GSTCD: variants seen among roughly 807,000 people sequenced by gnomAD.
The protein encoded by GSTCD is glutathione S-transferase C-terminal domain containing.
GSTCD carries 44 observed loss-of-function variants against 68.3 expected under a neutral mutation model. The ratio of observed to expected loss-of-function variants is 0.64; its 90% CI spans 0.51 to 0.83. The LOEUF is 0.83. Ranked by LOEUF, GSTCD falls within the 40% of genes least tolerant of loss-of-function variation. GSTCD has a pLI of 0.00. For synonymous variants in GSTCD, 273 were observed against 255.2 expected (o/e 1.07, Z -0.67); for missense variants, 739 against 735.9 (o/e 1.00, Z -0.05).
intron 5 of GSTCD, among the ~76,000 whole-genome samples, chr4:105,786,193 T>C (rs766997799): frequency 5.9e-5 from 9 of 152,102 alleles, no homozygotes; most frequent in Non-Finnish European, 1.3e-4. Flanking sequence ...ATAAAAAATG[T>C]AAATTGGACA....
chr4:105,837,921 A>G lies in GSTCD; in HGVS notation c.1695+32A>G, dbSNP rs199544689. Reference sequence around the variant, plus strand: ...TTAAAAAGATCTAGATATCATCCTAATACACTTTTTATCCTTTATATTTTT... The same window carrying G: ...TTAAAAAGATCTAGATATCATCCTAGTACACTTTTTATCCTTTATATTTTT... On this transcript the variant is annotated intron_variant, in intron 10 of 11. Transcript: ENST00000515279. 135 of 897,146 alleles carry G rather than the reference A, an allele frequency of 1.5e-4. No individual in the cohort carries two copies. The South Asian group carries it at 2.2e-3, about 14-fold the overall frequency. 55.6% of individuals were successfully genotyped at this position (897,146 alleles called of 1,614,324 possible).
chr4:105,822,591 C>A (rs1174137571), intron 5 of GSTCD, among the ~76,000 whole-genome samples: 1 of 152,016 alleles, frequency 6.6e-6, no homozygotes, highest in African/African-American at 2.4e-5. Context: ...GTTATTTTTT[C>A]CATTCTGCCA....
chr4:105,755,263 A>G (rs1734147042), intron 5 of GSTCD, among the ~76,000 whole-genome samples: 2 of 151,298 alleles, frequency 1.3e-5, no homozygotes, highest in South Asian at 4.2e-4. Context: ...GTAGAAAGGT[A>G]GGAAGGAAGG....
At chr4:105,823,119 C>A (rs1490419782) in intron 6 of GSTCD, 50 bp downstream of exon 6, 1 of 1,570,818 alleles carries the variant, frequency 6.4e-7, no homozygotes, top group Non-Finnish European at 8.8e-7. Flanking sequence ...GATTATGAGA[C>A]TTTTCTATAT....
chr4:105,825,337 C>G (rs917004216), intron 7 of GSTCD, among the ~76,000 whole-genome samples: 18 of 152,276 alleles, frequency 1.2e-4, no homozygotes, highest in East Asian at 7.7e-4. Flanking sequence ...ACCATATTGG[C>G]CAGGCTAATC....
intron 5 of GSTCD, among the ~76,000 whole-genome samples, chr4:105,762,204 C>T (rs934414766): frequency 6.6e-6 from 1 of 152,124 alleles, no homozygotes; most frequent in Non-Finnish European, 1.5e-5. Context: ...GGTGGGCACC[C>T]TAACTGAAGG....
Position 105,726,792 on chromosome 4 carries a change from T to C in GSTCD, c.1108T>C (p.Phe370Leu), listed in dbSNP as rs1285983354. Residue 370 changes from phenylalanine (F) to leucine (L), a missense_variant, in exon 4 of 12, where the codon TTT (phenylalanine) becomes CTT (leucine). Phe to Leu is a conservative substitution (Grantham distance 22, BLOSUM62 0). Coordinates refer to ENST00000515279, the MANE Select transcript of GSTCD (RefSeq NM_001370181.1). ...PGVEEQSDPL[F>L]IGGPRPTMAK... ...TGTAGAAGAGCAAAGCGATCCTTTATTTATAGGAGGACCAAGACCAACCAT... is the reference window on the plus strand; with the variant it reads ...TGTAGAAGAGCAAAGCGATCCTTTACTTATAGGAGGACCAAGACCAACCAT... 2.5e-6 allele frequency: 4 copies of C among 1,613,202 alleles called. No individual in the cohort carries two copies. The African/African-American group carries it at 5.3e-5, about 22-fold the overall frequency.
chr4:105,794,960 C>T (rs1267334915), intron 5 of GSTCD, among the ~76,000 whole-genome samples: 4 of 151,686 alleles, frequency 2.6e-5, no homozygotes, highest in Non-Finnish European at 5.9e-5. Context: ...CTGCAACCTC[C>T]GCCTCCCGGG....
chr4:105,766,845 AAGATGG>A lies in GSTCD; in HGVS notation c.1240+37348_1240+37353del, dbSNP rs1241106657. On this transcript the variant is annotated intron_variant, in intron 5 of 11. Coordinates refer to ENST00000515279, the MANE Select transcript of GSTCD (RefSeq NM_001370181.1). ...TTATTATTTTAAAAGTTATACTCAG[AAGATGG>A]ATTAGTGTCCCAAAAGCATGAATAG... Among the ~76,000 whole-genome samples the A allele has an allele frequency of 2.7e-5, 4 of 146,592 alleles. No individual in the cohort carries two copies. In the East Asian group the frequency reaches 8.1e-4, roughly 30 times the overall value.
intron 5 of GSTCD, among the ~76,000 whole-genome samples, chr4:105,736,539 C>T (rs1009191286): frequency 5.9e-5 from 9 of 151,988 alleles, no homozygotes; most frequent in Non-Finnish European, 8.8e-5. Flanking sequence ...GTATGCAATG[C>T]ATAATGATCA....
intron 3 of GSTCD, among the ~76,000 whole-genome samples, chr4:105,725,428 G>A (rs934602404): frequency 9.2e-5 from 14 of 152,102 alleles, no homozygotes; most frequent in African/African-American, 3.4e-4. Context: ...TTTCAAAGTG[G>A]CTGTACTATT....
intron 5 of GSTCD, among the ~76,000 whole-genome samples, chr4:105,772,413 TGA>T (rs1734886564): frequency 6.6e-6 from 1 of 152,110 alleles, no homozygotes; most frequent in Admixed American, 6.6e-5. Flanking sequence ...ATATGAGTGG[TGA>T]GAGAGGAGAT....
In GSTCD at chr4:105,799,843, A is replaced by G. The variant is rs149345093; in HGVS notation, c.1241-23111A>G. 8.5e-3 allele frequency among the ~76,000 whole-genome samples: 1,299 copies of G among 152,014 alleles called. 11 individuals carry two copies. Among genetic ancestry groups the G allele is most frequent in the Non-Finnish European group, 0.014 (941 of 67,996 alleles). On this transcript the variant is annotated intron_variant, in intron 5 of 11. Coordinates refer to ENST00000515279, the MANE Select transcript of GSTCD (RefSeq NM_001370181.1). Reference sequence around the variant, plus strand: ...AAAAAAAAAAAAATCTTCATTTTGTAAAAAACACAGTATTTCTAAAGCACA... The same window carrying G: ...AAAAAAAAAAAAATCTTCATTTTGTGAAAAACACAGTATTTCTAAAGCACA...
chr4:105,726,609 C>G lies in GSTCD; in HGVS notation c.925C>G (p.Leu309Val). The change falls in exon 4 of 12, where the codon CTG (leucine) becomes GTG (valine). Residue 309 changes from leucine to valine, a missense_variant. Physicochemically the swap from Leu to Val is conservative, Grantham distance 32. Coordinates refer to ENST00000515279, the MANE Select transcript of GSTCD (RefSeq NM_001370181.1). ...TATCAGCAGGAAATTTTCTGAGAAG[C>G]TGGTAGAATTTCCATTGCTAGCCTC... The part of the protein sequence containing the change: ...VIISRKFSEK[L>V]VEFPLLASWY... The G allele has an allele frequency of 6.2e-7, 1 of 1,605,450 alleles. No individual in the cohort carries two copies. Among genetic ancestry groups the G allele is most frequent in the Non-Finnish European group, 8.5e-7 (1 of 1,175,002 alleles).
chr4:105,811,557 G>A (rs1722753224), intron 5 of GSTCD, among the ~76,000 whole-genome samples: 1 of 147,922 alleles, frequency 6.8e-6, no homozygotes, highest in Admixed American at 6.7e-5. Flanking sequence ...GGGAGGGATA[G>A]CATTAGGAGA....
At chr4:105,746,070 T>G (rs1733791096) in intron 5 of GSTCD, among the ~76,000 whole-genome samples, 1 of 152,042 alleles carries the variant, frequency 6.6e-6, no homozygotes, top group Admixed American at 6.6e-5. Context: ...GGGGTTAGGG[T>G]CGCTGACTCC....
At chr4:105,827,510 A>G (rs1184526072) in intron 8 of GSTCD, among the ~76,000 whole-genome samples, 1 of 152,176 alleles carries the variant, frequency 6.6e-6, no homozygotes, top group East Asian at 1.9e-4. Context: ...AATTGCTTAG[A>G]AGGTTAAATT....
At chr4:105,818,230 G>A (rs1297337253) in intron 5 of GSTCD, among the ~76,000 whole-genome samples, 1 of 151,592 alleles carries the variant, frequency 6.6e-6, no homozygotes, top group Non-Finnish European at 1.5e-5. Context: ...TAAAAGATTT[G>A]TTATTTTGGG....
intron 5 of GSTCD, among the ~76,000 whole-genome samples, chr4:105,759,896 T>A (rs1394315010): frequency 2.0e-5 from 3 of 152,132 alleles, no homozygotes; most frequent in African/African-American, 7.2e-5. Context: ...TACAATACAG[T>A]ACCTTAGTTC....
Sources: allele counts gnomAD v4.1 joint callset (sites outside exome capture counted in the v4.1 genomes callset), GRCh38; gene constraint gnomAD v4.1.1; transcripts MANE v1.5; gene names NCBI Gene and HGNC (gene_info 2026-07-23, HGNC 2026-07-21).